The following RORA variants were observed in gnomAD, a reference collection of about 807,000 sequenced individuals.
The protein encoded by RORA is nuclear receptor ROR-alpha.
RORA carries 7 observed loss-of-function variants against 69.5 expected under a neutral mutation model. The ratio of observed to expected loss-of-function variants is 0.10; its 90% CI spans 0.06 to 0.19. The LOEUF (loss-of-function observed/expected upper bound fraction) is 0.19. Among genes scored for constraint, RORA ranks in the 10% least tolerant of loss-of-function variants. RORA has a pLI of 1.00. For missense variants in RORA, 457 were observed against 663.0 expected (o/e 0.69, Z 3.41); for synonymous variants, 261 against 240.8 (o/e 1.08, Z -0.78).
intron 2 of RORA, among the ~76,000 whole-genome samples, chr15:60,611,576 A>AAAAAAAAAAAAG (rs2069090736): frequency 7.0e-6 from 1 of 143,466 alleles, no homozygotes; most frequent in Non-Finnish European, 1.5e-5. Flanking sequence ...AAAAAAAAAA[A>AAAAAAAAAAAAG]AAAAAAAAAA....
chr15:60,708,990 C>G lies in RORA; in HGVS notation c.167-30304G>C, dbSNP rs115176218. ...GTGCCTGCATAGCTAGCAAAGAATA[C>G]GTGAGCAGCTAGTCATTCCTATCCT... On this transcript the variant is annotated intron_variant, in intron 1 of 10. Coordinates refer to ENST00000335670, the MANE Select transcript of RORA (RefSeq NM_134261.3). 1.1e-3 allele frequency among the ~76,000 whole-genome samples: 161 copies of G among 152,290 alleles called. 1 individual carries two copies. Among genetic ancestry groups the G allele is most frequent in the African/African-American group, 3.7e-3 (154 of 41,554 alleles).
chr15:61,022,073 G>C (rs1439653279), intron 1 of RORA, among the ~76,000 whole-genome samples: 1 of 152,244 alleles, frequency 6.6e-6, no homozygotes, highest in Non-Finnish European at 1.5e-5. Flanking sequence ...CATCTGTAAA[G>C]AGTGGGAAAG....
At chr15:60,649,579 A>T (rs115976739) in intron 2 of RORA, among the ~76,000 whole-genome samples, 76 of 152,310 alleles carry the variant, frequency 5.0e-4, no homozygotes, top group African/African-American at 1.8e-3. Flanking sequence ...CGGTGTTGAA[A>T]CACATTTGCC....
intron 5 of RORA, among the ~76,000 whole-genome samples, chr15:60,507,870 C>A (rs986322967): frequency 1.3e-5 from 2 of 152,136 alleles, no homozygotes; most frequent in Non-Finnish European, 2.9e-5. Flanking sequence ...TAATAAGATA[C>A]TTAGCATCTT....
chr15:61,209,084 T>C (rs1409569524), intron 1 of RORA, among the ~76,000 whole-genome samples: 1 of 152,228 alleles, frequency 6.6e-6, no homozygotes, highest in Non-Finnish European at 1.5e-5. Context: ...CAGATGAGTT[T>C]TTCAGAAGCT....
At chr15:61,130,894 A>G (rs971660320) in intron 1 of RORA, among the ~76,000 whole-genome samples, 8 of 152,382 alleles carry the variant, frequency 5.2e-5, no homozygotes, top group Admixed American at 1.3e-4. Context: ...GAAGGTGAGC[A>G]TCTATCTTCA....
At position 61,083,730 on chromosome 15, in the gene RORA, C is replaced by G. The variant is rs148597846; in HGVS notation, c.166+145323G>C. On this transcript the variant is annotated intron_variant, in intron 1 of 10. Coordinates refer to ENST00000335670, the MANE Select transcript of RORA (RefSeq NM_134261.3). ...ACTTCTCCAAGCACCTTCTCCCTTACGGAAAATTGCTCTTCCCAGAAAAAA... is the reference window on the plus strand; with the variant it reads ...ACTTCTCCAAGCACCTTCTCCCTTAGGGAAAATTGCTCTTCCCAGAAAAAA... Among the ~76,000 whole-genome samples the G allele has an allele frequency of 9.2e-4, 140 of 152,000 alleles. 4 individuals carry two copies. The East Asian group carries it at 0.027, about 29-fold the overall frequency.
chr15:60,515,946 TA>T lies in RORA; in HGVS notation c.283-1190del, dbSNP rs1456495041. 1.2e-3 allele frequency among the ~76,000 whole-genome samples: 15 copies of T among 12,504 alleles called. 2 individuals are homozygous for T. Among genetic ancestry groups the T allele is most frequent in the East Asian group, 6.0e-3 (3 of 496 alleles). The allele number at this position is 12,504 out of a possible 152,430, so 8.2% of individuals were successfully genotyped here. On this transcript the variant is annotated intron_variant, in intron 3 of 10. Coordinates refer to ENST00000335670, the MANE Select transcript of RORA (RefSeq NM_134261.3). Reference sequence around the variant, plus strand: ...ATATATTTATATATATATTTATATATATTTATATATTTATATTTATATATAT... The same window carrying T: ...ATATATTTATATATATATTTATATATTTTATATATTTATATTTATATATAT...
intron 2 of RORA, among the ~76,000 whole-genome samples, chr15:60,619,911 C>T (rs901522352): frequency 6.6e-6 from 1 of 152,246 alleles, no homozygotes; most frequent in Non-Finnish European, 1.5e-5. Flanking sequence ...AGCCGTAGTT[C>T]ACTAGGCTGA....
rs1179218413 is a variant in RORA, at chr15:60,492,241, C to G, written c.*5214G>C. The G allele has an allele frequency of 1.3e-5, 2 of 152,146 alleles. No homozygotes were observed. Among genetic ancestry groups the G allele is most frequent in the Non-Finnish European group, 2.9e-5 (2 of 68,022 alleles). 9.4% of individuals were successfully genotyped at this position (152,146 alleles called of 1,614,324 possible). A position where few individuals can be genotyped will look rare whatever the true frequency, so the allele number is the denominator to read the frequency against. ...CCCAAGGTGGAAGAATCAGAGCCAA[C>G]AATTACATTGAACTTCTCTGACTTT... On this transcript the variant is annotated 3_prime_UTR_variant, in exon 11 of 11. Coordinates refer to ENST00000335670, the MANE Select transcript of RORA (RefSeq NM_134261.3).
intron 1 of RORA, among the ~76,000 whole-genome samples, chr15:60,996,327 C>T (rs1051321001): frequency 3.9e-5 from 6 of 152,106 alleles, no homozygotes; most frequent in South Asian, 2.1e-4. Flanking sequence ...CTGCCTCGGC[C>T]TCCCAAAGTG....
rs1227256633 is a variant in RORA at position 60,561,070 on chromosome 15, T to G, written c.197-29219A>C. On this transcript the variant is annotated intron_variant, in intron 2 of 10. Transcript: ENST00000335670. ...TTTTAACTTGTGTTTTTTTTTTTTT[T>G]GTTTTGTTTTTGTTTTTTTTTTTGT... is the stretch of plus-strand genomic sequence containing the variant. Among the ~76,000 whole-genome samples the G allele has an allele frequency of 6.8e-3, 879 of 129,518 alleles. 21 individuals carry two copies. Among genetic ancestry groups the G allele is most frequent in the African/African-American group, 0.034 (819 of 24,204 alleles). 85.0% of individuals were successfully genotyped at this position (129,518 alleles called of 152,430 possible).
intron 1 of RORA, among the ~76,000 whole-genome samples, chr15:61,098,906 C>A (rs373111368): frequency 6.6e-5 from 10 of 152,292 alleles, no homozygotes; most frequent in African/African-American, 2.4e-4. Context: ...GTTTAAAATT[C>A]TCTTGCGTGT....
At chr15:60,560,399 T>G (rs971629840) in intron 2 of RORA, among the ~76,000 whole-genome samples, 1 of 152,092 alleles carries the variant, frequency 6.6e-6, no homozygotes. Flanking sequence ...ATGCTTATGC[T>G]GAATAACTGT....
At chr15:60,559,025 G>A (rs1443423794) in intron 2 of RORA, among the ~76,000 whole-genome samples, 2 of 151,980 alleles carry the variant, frequency 1.3e-5, no homozygotes, top group Non-Finnish European at 2.9e-5. Flanking sequence ...GGTGTGTAGT[G>A]TAATATCAAA....
At chr15:60,665,732 T>G (rs958500628) in intron 2 of RORA, among the ~76,000 whole-genome samples, 7 of 152,168 alleles carry the variant, frequency 4.6e-5, no homozygotes, top group Non-Finnish European at 1.0e-4. Context: ...CGCTGTGCAG[T>G]GGTGTGATCT....
intron 1 of RORA, among the ~76,000 whole-genome samples, chr15:60,768,754 T>G (rs980046228): frequency 1.3e-5 from 2 of 152,142 alleles, no homozygotes; most frequent in Admixed American, 1.3e-4. Context: ...TGGATTTTTG[T>G]TATTTCTAAT....
At chr15:61,079,573 G>T (rs887145878) in intron 1 of RORA, among the ~76,000 whole-genome samples, 1 of 152,136 alleles carries the variant, frequency 6.6e-6, no homozygotes, top group Non-Finnish European at 1.5e-5. Flanking sequence ...AGTTTCAGAG[G>T]AATTAGGTAA....
intron 1 of RORA, among the ~76,000 whole-genome samples, chr15:61,159,819 G>A (rs1286075323): frequency 6.6e-6 from 1 of 152,192 alleles, no homozygotes; most frequent in African/African-American, 2.4e-5. Flanking sequence ...GTGAGGTTCA[G>A]TTTCCTATTG....
Sources: gnomAD v4.1 joint callset for allele counts (sites outside exome capture counted in the v4.1 genomes callset) on GRCh38, gnomAD v4.1.1 for gene constraint, MANE v1.5 for transcripts, NCBI Gene and HGNC (gene_info 2026-07-23, HGNC 2026-07-21) for gene names.